The following KSR2 variants were observed in gnomAD, a reference collection of about 807,000 sequenced individuals.
The protein encoded by KSR2 is kinase suppressor of ras 2.
Under a neutral mutation model 107.8 loss-of-function variants are expected in KSR2, and 25 were observed. The observed-to-expected ratio is 0.23, with a 90% CI of 0.17 to 0.32. The LOEUF is 0.32. Among genes scored for constraint, KSR2 ranks in the 10% least tolerant of loss-of-function variants. The pLI, the probability that KSR2 is intolerant of heterozygous loss-of-function variation, is 1.00. For missense variants in KSR2, 887 were observed against 1,268.9 expected (o/e 0.70, Z 4.57); for synonymous variants, 480 against 507.0 (o/e 0.95, Z 0.71).
intron 4 of KSR2, among the ~76,000 whole-genome samples, chr12:117,723,360 A>G (rs181402571): frequency 1.2e-4 from 19 of 152,306 alleles, no homozygotes; most frequent in Non-Finnish European, 2.4e-4. Context: ...AACCCATCAC[A>G]ACAGTTCCCA....
chr12:117,844,467 C>G lies in KSR2; in HGVS notation c.472+10961G>C, dbSNP rs188196451. 3.2e-5 allele frequency among the ~76,000 whole-genome samples: 3 copies of G among 92,926 alleles called. No individual in the cohort carries two copies. The East Asian group carries it at 8.3e-4, about 26-fold the overall frequency. The allele number at this position is 92,926 out of a possible 152,430, so 61.0% of individuals were successfully genotyped here. A position where few individuals can be genotyped will look rare whatever the true frequency, so the allele number is the denominator to read the frequency against. On this transcript the variant is annotated intron_variant, in intron 3 of 19. Coordinates refer to ENST00000339824, the MANE Select transcript of KSR2 (RefSeq NM_173598.6). ...ACAACTTGCTGAGATGCTGAAATTCCCTCCTCTTCTGAGTATTTTTTTTTT... is the reference window on the plus strand; with the variant it reads ...ACAACTTGCTGAGATGCTGAAATTCGCTCCTCTTCTGAGTATTTTTTTTTT...
intron 4 of KSR2, among the ~76,000 whole-genome samples, chr12:117,739,688 G>T (rs1474435356): frequency 6.6e-6 from 1 of 152,178 alleles, no homozygotes; most frequent in African/African-American, 2.4e-5. Flanking sequence ...TCCTTGAGGA[G>T]CCTGGGTCTG....
At chr12:117,955,266 G>A (rs371228723) in intron 1 of KSR2, among the ~76,000 whole-genome samples, 11 of 151,818 alleles carry the variant, frequency 7.2e-5, no homozygotes, top group African/African-American at 2.2e-4. Context: ...GGGACCACAG[G>A]CATGCACCAC....
chr12:117,559,365 C>T (rs1877949336), intron 7 of KSR2, among the ~76,000 whole-genome samples: 1 of 152,140 alleles, frequency 6.6e-6, no homozygotes, highest in African/African-American at 2.4e-5. Flanking sequence ...TTCCCATCAG[C>T]CTGTATTTAT....
intron 1 of KSR2, among the ~76,000 whole-genome samples, chr12:117,889,091 C>G (rs1221040936): frequency 6.6e-6 from 1 of 152,152 alleles, no homozygotes; most frequent in Non-Finnish European, 1.5e-5. Context: ...GAATGATGCA[C>G]CCAGCATCTT....
At chr12:117,523,060 T>C (rs1274799631) in intron 14 of KSR2, among the ~76,000 whole-genome samples, 1 of 152,210 alleles carries the variant, frequency 6.6e-6, no homozygotes, top group Non-Finnish European at 1.5e-5. Flanking sequence ...TTAAGGAGGC[T>C]TGGAGGCCCA....
intron 4 of KSR2, among the ~76,000 whole-genome samples, chr12:117,708,802 G>A (rs374167976): frequency 3.3e-5 from 5 of 152,118 alleles, no homozygotes; most frequent in East Asian, 1.9e-4. Flanking sequence ...CATAGCTCGC[G>A]TTTTCCCACT....
chr12:117,768,604 C>T lies in KSR2; in HGVS notation c.473-7080G>A, dbSNP rs1593217756. Among the ~76,000 whole-genome samples, 5 of 152,132 alleles carry T rather than the reference C, an allele frequency of 3.3e-5. No homozygotes were observed. The Middle Eastern group carries it at 0.014, about 414-fold the overall frequency. Reference sequence around the variant, plus strand: ...GTGTGGAGAAAGGATTGGACAGGGCCCGGCAGCAGCAGGAGCCCAGCCTGA... The same window carrying T: ...GTGTGGAGAAAGGATTGGACAGGGCTCGGCAGCAGCAGGAGCCCAGCCTGA... On this transcript the variant is annotated intron_variant, in intron 3 of 19. Coordinates refer to ENST00000339824, the MANE Select transcript of KSR2 (RefSeq NM_173598.6).
At chr12:117,579,561 G>C (rs1879517064) in intron 6 of KSR2, among the ~76,000 whole-genome samples, 2 of 152,168 alleles carry the variant, frequency 1.3e-5, no homozygotes, top group Non-Finnish European at 2.9e-5. Context: ...ATATTGCCTG[G>C]TGGCCTACTA....
chr12:117,547,232 T>C (rs1254808567), intron 9 of KSR2, among the ~76,000 whole-genome samples: 1 of 152,220 alleles, frequency 6.6e-6, no homozygotes, highest in Non-Finnish European at 1.5e-5. Flanking sequence ...CTTCTGTTAG[T>C]CCCTGAAGAG....
intron 5 of KSR2, among the ~76,000 whole-genome samples, chr12:117,609,525 A>G (rs952676099): frequency 5.3e-5 from 8 of 152,276 alleles, no homozygotes; most frequent in African/African-American, 1.9e-4. Flanking sequence ...AAAATTTTTA[A>G]AAGAATCATA....
chr12:117,731,839 T>C (rs947073753), intron 4 of KSR2, among the ~76,000 whole-genome samples: 4 of 147,268 alleles, frequency 2.7e-5, no homozygotes, highest in East Asian at 2.0e-4. Context: ...GAAGGCAGCA[T>C]GCTCCTTAAG....
intron 1 of KSR2, among the ~76,000 whole-genome samples, chr12:117,910,019 G>A (rs1395467066): frequency 6.6e-6 from 1 of 152,096 alleles, no homozygotes; most frequent in Non-Finnish European, 1.5e-5. Context: ...TTTGAGGCCA[G>A]GAGTTCGAAA....
At chr12:117,709,749 C>T (rs117451816) in intron 4 of KSR2, among the ~76,000 whole-genome samples, 3,958 of 152,284 alleles carry the variant, frequency 0.026, 101 homozygotes, top group South Asian at 0.062. Flanking sequence ...GGCCAGATAA[C>T]TCTTAGTTGT....
At chr12:117,607,278 G>C (rs890468580) in intron 5 of KSR2, among the ~76,000 whole-genome samples, 14 of 152,206 alleles carry the variant, frequency 9.2e-5, no homozygotes. Context: ...AAGAATTAAG[G>C]ATAAGAACTT....
chr12:117,695,560 A>AT, intron 4 of KSR2, among the ~76,000 whole-genome samples: 1 of 149,440 alleles, frequency 6.7e-6, no homozygotes, highest in African/African-American at 2.5e-5. Flanking sequence ...AAAAAAAAAA[A>AT]ATTAGCTGGA....
At chr12:117,705,272 C>T (rs1053223554) in intron 4 of KSR2, among the ~76,000 whole-genome samples, 12 of 152,208 alleles carry the variant, frequency 7.9e-5, no homozygotes, top group African/African-American at 2.7e-4. Flanking sequence ...AGGCAACAGA[C>T]GCTCCCAGAG....
At chr12:117,737,782 C>CAA (rs10587288) in intron 4 of KSR2, among the ~76,000 whole-genome samples, 160 of 82,702 alleles carry the variant, frequency 1.9e-3, no homozygotes, top group Non-Finnish European at 3.0e-3. Flanking sequence ...AATCCTGTCT[C>CAA]AAAAAAAAAA....
chr12:117,656,963 G>GAGAGATATAT, intron 5 of KSR2, among the ~76,000 whole-genome samples: 1 of 88,844 alleles, frequency 1.1e-5, no homozygotes, highest in East Asian at 4.1e-4. Context: ...TATATAATAG[G>GAGAGATATAT]ATATATATAT....
Sources: allele counts gnomAD v4.1 joint callset (sites outside exome capture counted in the v4.1 genomes callset), GRCh38; gene constraint gnomAD v4.1.1; transcripts MANE v1.5; gene names NCBI Gene and HGNC (gene_info 2026-07-23, HGNC 2026-07-21).